The following ANP32A variants were observed in gnomAD, a reference collection of about 807,000 sequenced individuals.
ANP32A encodes acidic nuclear phosphoprotein 32 family member A.
Under a neutral mutation model 33.9 loss-of-function variants are expected in ANP32A, and 1 was observed. That is an observed-to-expected ratio of 0.03 (90% CI 0.01 to 0.14). The LOEUF (loss-of-function observed/expected upper bound fraction) is 0.14, where lower values mean the gene tolerates loss of function less well. ANP32A is among the 10% of genes least tolerant of loss of function. The pLI, the probability that ANP32A is intolerant of heterozygous loss-of-function variation, is 1.00. For missense variants in ANP32A, 155 were observed against 306.0 expected, an observed-to-expected ratio of 0.51 and a Z score of 3.68; for synonymous variants, 115 against 120.5, an observed-to-expected ratio of 0.95 and a Z score of 0.30.
intron 1 of ANP32A, among the ~76,000 whole-genome samples, chr15:68,819,582 C>T (rs757387577): frequency 1.2e-4 from 19 of 152,248 alleles, no homozygotes; most frequent in Non-Finnish European, 2.8e-4. Context: ...CAGCTCCGGG[C>T]AGCTCGCGTC....
chr15:68,789,422 C>T (rs1893972967), intron 1 of ANP32A: 1 of 152,438 alleles, frequency 6.6e-6, no homozygotes, highest in African/African-American at 2.4e-5. Context: ...GGCTTTCTAA[C>T]CTGTCCCTGT....
intron 1 of ANP32A, among the ~76,000 whole-genome samples, chr15:68,799,314 G>C (rs1186671846): frequency 1.3e-5 from 2 of 152,182 alleles, no homozygotes; most frequent in Non-Finnish European, 2.9e-5. Context: ...CACGATGAGG[G>C]AAGAAAGGAG....
chr15:68,804,840 A>G (rs1175801172), intron 1 of ANP32A, among the ~76,000 whole-genome samples: 1 of 152,262 alleles, frequency 6.6e-6, no homozygotes, highest in African/African-American at 2.4e-5. Flanking sequence ...GCTTCAAGAA[A>G]AACAGTGGGC....
chr15:68,793,219 C>A (rs181467166), intron 1 of ANP32A, among the ~76,000 whole-genome samples: 2 of 152,188 alleles, frequency 1.3e-5, no homozygotes, highest in African/African-American at 4.8e-5. Flanking sequence ...CTGTTTATTG[C>A]GCCAGGTATA....
At position 68,787,551 on chromosome 15, in the gene ANP32A, A is replaced by T; in HGVS notation, c.205-16T>A. On this transcript the variant is annotated splice_polypyrimidine_tract_variant and intron_variant, in intron 2 of 6. Coordinates refer to ENST00000465139, the MANE Select transcript of ANP32A (RefSeq NM_006305.4). ...TTAGTTCAAGCTAAATAAGGCAGGGAAAGAAAAAGCAGAAACAGCTTTTAA... is the reference window on the plus strand; with the variant it reads ...TTAGTTCAAGCTAAATAAGGCAGGGTAAGAAAAAGCAGAAACAGCTTTTAA... 1 of 1,613,956 alleles carries T rather than the reference A, an allele frequency of 6.2e-7. No individual in the cohort carries two copies. Among genetic ancestry groups the T allele is most frequent in the East Asian group, 2.2e-5 (1 of 44,892 alleles).
chr15:68,815,509 C>G (rs1302665081), intron 1 of ANP32A, among the ~76,000 whole-genome samples: 1 of 152,040 alleles, frequency 6.6e-6, no homozygotes, highest in East Asian at 1.9e-4. Flanking sequence ...TGTTCCATAC[C>G]ATCAAATTGA....
chr15:68,784,686 T>C (rs1893910734), intron 3 of ANP32A, 91 bp from the exon 4 acceptor site: 3 of 1,410,918 alleles, frequency 2.1e-6, no homozygotes, highest in East Asian at 2.3e-5. Context: ...TGCCATGAGA[T>C]AGCATGCGCA....
intron 1 of ANP32A, among the ~76,000 whole-genome samples, chr15:68,801,325 G>A (rs895725018): frequency 1.3e-5 from 2 of 151,942 alleles, no homozygotes; most frequent in East Asian, 1.9e-4. Flanking sequence ...TCTACACCCC[G>A]GACATCTCCT....
intron 1 of ANP32A, among the ~76,000 whole-genome samples, chr15:68,796,184 C>T (rs1179314676): frequency 1.3e-5 from 2 of 152,192 alleles, no homozygotes; most frequent in Non-Finnish European, 2.9e-5. Context: ...CAGATTCAAG[C>T]GATTCTCTTG....
At chr15:68,811,607 A>T (rs1182695648) in intron 1 of ANP32A, among the ~76,000 whole-genome samples, 1 of 152,194 alleles carries the variant, frequency 6.6e-6, no homozygotes, top group African/African-American at 2.4e-5. Context: ...CCTAGAGTCC[A>T]ATGTCAGGAC....
At chr15:68,807,116 A>T (rs1894241264) in intron 1 of ANP32A, among the ~76,000 whole-genome samples, 1 of 152,214 alleles carries the variant, frequency 6.6e-6, no homozygotes, top group South Asian at 2.1e-4. Flanking sequence ...GTGCCCTGGA[A>T]GTCCCCAGGA....
chr15:68,803,505 A>G (rs1233115138), intron 1 of ANP32A, among the ~76,000 whole-genome samples: 1 of 152,184 alleles, frequency 6.6e-6, no homozygotes, highest in African/African-American at 2.4e-5. Flanking sequence ...CTTTTATTGG[A>G]AAGCCATTTG....
intron 1 of ANP32A, among the ~76,000 whole-genome samples, chr15:68,804,924 C>G (rs1222494529): frequency 6.6e-6 from 1 of 152,224 alleles, no homozygotes. Context: ...CTTACTTCAG[C>G]CAGAAGCTCC....
intron 1 of ANP32A, among the ~76,000 whole-genome samples, chr15:68,802,859 G>C (rs541344197): frequency 2.0e-5 from 3 of 150,914 alleles, no homozygotes; most frequent in Admixed American, 1.3e-4. Context: ...TCACCATGTT[G>C]GTCAGGCTGG....
At position 68,780,451 on chromosome 15, in the gene ANP32A, T is replaced by C; in HGVS notation, c.647A>G (p.Asp216Gly). The C allele has an allele frequency of 6.2e-7, 1 of 1,613,966 alleles. No homozygotes were observed. The highest frequency in any genetic ancestry group is 1.1e-5 in the South Asian group (1 of 91,086). ...ATCTTCCTCGTCATCTACCTCTCCA[T>C]CGTTATAACCTTCTTCATCCTCCTA... is the stretch of plus-strand genomic sequence containing the variant. ...EEEEDEEGYNDGEVDDEEDEE... is the reference protein window; with the variant it reads ...EEEEDEEGYNGGEVDDEEDEE... The change falls in exon 6 of 7, where the codon GAT (aspartate) becomes GGT (glycine). Residue 216 changes from aspartate (D) to glycine (G), a missense_variant. Asp to Gly is a moderately conservative substitution (Grantham distance 94). Transcript: ENST00000465139. This position sits in a 1 kb window ranked among gnomAD's most constrained non-coding sequence, Gnocchi z 4.3.
intron 3 of ANP32A, among the ~76,000 whole-genome samples, chr15:68,786,566 G>C (rs1198567697): frequency 6.6e-6 from 1 of 152,044 alleles, no homozygotes; most frequent in African/African-American, 2.4e-5. Context: ...GGCCTTATGA[G>C]GTGACTCTTA....
intron 1 of ANP32A, among the ~76,000 whole-genome samples, chr15:68,812,588 G>A (rs1044596125): frequency 1.3e-5 from 2 of 151,944 alleles, no homozygotes; most frequent in East Asian, 1.9e-4. Context: ...AGGTACCAAG[G>A]GCATCCTCTC....
chr15:68,792,743 G>A (rs1352832381), intron 1 of ANP32A, among the ~76,000 whole-genome samples: 3 of 152,134 alleles, frequency 2.0e-5, no homozygotes, highest in Non-Finnish European at 4.4e-5. Context: ...GAGGCAGCCT[G>A]GATTACTGGG....
intron 1 of ANP32A, chr15:68,818,290 C>T (rs1356032742): frequency 1.2e-4 from 33 of 265,238 alleles, no homozygotes; most frequent in Non-Finnish European, 2.4e-4. Context: ...CACCAGCTCC[C>T]GGAGCCCAGT....
Sources: allele counts gnomAD v4.1 joint callset (sites outside exome capture counted in the v4.1 genomes callset), GRCh38; gene constraint gnomAD v4.1.1; non-coding constraint Gnocchi (gnomAD v3.1); transcripts MANE v1.5; gene names NCBI Gene and HGNC (gene_info 2026-07-23, HGNC 2026-07-21).